CHSY3: variants seen among roughly 807,000 people sequenced by gnomAD.
CHSY3 encodes chondroitin sulfate synthase 3.
A neutral mutation model predicts 67.2 loss-of-function variants in CHSY3; 35 were observed. That is an observed-to-expected ratio of 0.52 (90% CI 0.40 to 0.69). The LOEUF is 0.69. Ranked by LOEUF, CHSY3 falls within the 30% of genes least tolerant of loss-of-function variation. The pLI, the probability that CHSY3 is intolerant of heterozygous loss-of-function variation, is 0.00. For missense variants in CHSY3, 1,069 were observed against 1,138.5 expected, an observed-to-expected ratio of 0.94 and a Z score of 0.88; for synonymous variants, 474 against 434.7, an observed-to-expected ratio of 1.09 and a Z score of -1.12.
At chr5:130,032,809 A>T (rs771421665) in intron 2 of CHSY3, among the ~76,000 whole-genome samples, 1 of 152,132 alleles carries the variant, frequency 6.6e-6, no homozygotes, top group Non-Finnish European at 1.5e-5. Context: ...TTCATGTGAG[A>T]TTTAACACCA....
intron 2 of CHSY3, among the ~76,000 whole-genome samples, chr5:129,932,826 T>C (rs994902976): frequency 5.3e-5 from 8 of 152,128 alleles, no homozygotes; most frequent in Non-Finnish European, 1.2e-4. Context: ...AAATGACTTA[T>C]ATAACAACAT....
intron 2 of CHSY3, among the ~76,000 whole-genome samples, chr5:130,110,436 T>C (rs1767556135): frequency 2.6e-5 from 4 of 151,968 alleles, no homozygotes; most frequent in African/African-American, 7.2e-5. Flanking sequence ...AAAGTGTTGT[T>C]TCTTTAGTAT....
chr5:129,992,050 T>C (rs1343538559), intron 2 of CHSY3, among the ~76,000 whole-genome samples: 6 of 152,210 alleles, frequency 3.9e-5, no homozygotes, highest in Admixed American at 6.6e-5. Context: ...GAAAGAACCT[T>C]TTAATTAATT....
At chr5:130,144,784 A>T (rs1183588402) in intron 2 of CHSY3, among the ~76,000 whole-genome samples, 5 of 152,184 alleles carry the variant, frequency 3.3e-5, no homozygotes, top group Non-Finnish European at 7.4e-5. Context: ...AACCAAACGT[A>T]TTAGGCCCTT....
chr5:130,097,893 C>G (rs1767102882), intron 2 of CHSY3, among the ~76,000 whole-genome samples: 1 of 152,016 alleles, frequency 6.6e-6, no homozygotes, highest in South Asian at 2.1e-4. Flanking sequence ...GTAGTCCCAG[C>G]TACTCGGGAG....
At chr5:130,035,653 T>G (rs914160530) in intron 2 of CHSY3, among the ~76,000 whole-genome samples, 27 of 152,110 alleles carry the variant, frequency 1.8e-4, no homozygotes, top group Admixed American at 1.1e-3. Context: ...AATTACCATG[T>G]GAAGGGTGTA....
intron 2 of CHSY3, among the ~76,000 whole-genome samples, chr5:130,042,047 C>A (rs937969777): frequency 6.6e-6 from 1 of 151,982 alleles, no homozygotes; most frequent in African/African-American, 2.4e-5. Flanking sequence ...CCAGCCTGGG[C>A]AACATATTAA....
Position 129,904,601 on chromosome 5 carries a change from C to T in CHSY3, c.-229C>T. On this transcript the variant is annotated 5_prime_UTR_variant, in exon 1 of 3. Transcript: ENST00000305031. ...CGCCGGGAGAAGTTTCACTCCCGACCCTTGCTCGGAGCCCCGGCCCAGAGC... is the reference window on the plus strand; with the variant it reads ...CGCCGGGAGAAGTTTCACTCCCGACTCTTGCTCGGAGCCCCGGCCCAGAGC... 1 of 628,698 alleles carries T rather than the reference C, an allele frequency of 1.6e-6. No individual in the cohort carries two copies. Among genetic ancestry groups the T allele is most frequent in the Non-Finnish European group, 2.2e-6 (1 of 450,356 alleles). 38.9% of individuals were successfully genotyped at this position (628,698 alleles called of 1,614,324 possible).
At chr5:129,910,865 G>C (rs1226026845) in intron 2 of CHSY3, among the ~76,000 whole-genome samples, 1 of 151,828 alleles carries the variant, frequency 6.6e-6, no homozygotes, top group African/African-American at 2.4e-5. Context: ...CATTAAAAAA[G>C]CTATGAAATT....
At chr5:130,134,567 C>T (rs1457133235) in intron 2 of CHSY3, among the ~76,000 whole-genome samples, 1 of 152,064 alleles carries the variant, frequency 6.6e-6, no homozygotes, top group Non-Finnish European at 1.5e-5. Flanking sequence ...AGAGGAGAGA[C>T]TTAGTTTGGT....
chr5:129,966,940 T>C (rs1356125563), intron 2 of CHSY3, among the ~76,000 whole-genome samples: 1 of 151,946 alleles, frequency 6.6e-6, no homozygotes, highest in East Asian at 1.9e-4. Flanking sequence ...AAGTACTCCT[T>C]GTGTAGGGTC....
intron 2 of CHSY3, among the ~76,000 whole-genome samples, chr5:130,154,952 G>T (rs1004418120): frequency 3.3e-5 from 5 of 152,102 alleles, no homozygotes; most frequent in African/African-American, 1.2e-4. Context: ...CTAGGTTTGG[G>T]GTGGGGCCTG....
chr5:130,135,447 A>T (rs1768631170), intron 2 of CHSY3, among the ~76,000 whole-genome samples: 3 of 152,240 alleles, frequency 2.0e-5, no homozygotes, highest in Admixed American at 2.0e-4. Context: ...TCCTTAGAAA[A>T]TCAGACTTGG....
intron 2 of CHSY3, among the ~76,000 whole-genome samples, chr5:129,942,786 G>A (rs748251287): frequency 4.6e-5 from 7 of 152,114 alleles, no homozygotes; most frequent in Non-Finnish European, 8.8e-5. Context: ...GTTTTATTTG[G>A]TCATGGATTT....
Position 130,184,327 on chromosome 5 carries a change from C to T in CHSY3, c.1185C>T (p.Pro395=), listed in dbSNP as rs749363556. The stretch of plus-strand genomic sequence containing the variant: ...TCCATGCAGCCATAACACTTCATCC[C>T]AACAAAAGGCCTGCATACCAATACA... ...SKIHAAITLH[P]NKRPAYQYRL... The change falls in exon 3 of 3, where the codon CCC becomes CCT. Residue 395 remains proline (P), a synonymous_variant. Transcript: ENST00000305031. 1 of 1,613,914 alleles carries T rather than the reference C, an allele frequency of 6.2e-7. No homozygotes were observed. The highest frequency in any genetic ancestry group is 2.2e-5 in the East Asian group (1 of 44,888).
At chr5:130,149,691 T>C (rs1282171917) in intron 2 of CHSY3, among the ~76,000 whole-genome samples, 2 of 152,166 alleles carry the variant, frequency 1.3e-5, no homozygotes, top group Non-Finnish European at 2.9e-5. Flanking sequence ...TAAATGAGAC[T>C]GAGTATCTAA....
intron 2 of CHSY3, among the ~76,000 whole-genome samples, chr5:129,912,974 T>C (rs1371799037): frequency 6.6e-6 from 1 of 152,230 alleles, no homozygotes; most frequent in Non-Finnish European, 1.5e-5. Context: ...ATGCATTCTA[T>C]TCTATTCACT....
At chr5:130,167,382 A>G (rs944996884) in intron 2 of CHSY3, among the ~76,000 whole-genome samples, 7 of 152,128 alleles carry the variant, frequency 4.6e-5, no homozygotes, top group Admixed American at 4.6e-4. Flanking sequence ...GATAGCTAAT[A>G]GTACCTTGAG....
At chr5:130,020,444 TATATATATATATATA>T (rs1190234320) in intron 2 of CHSY3, among the ~76,000 whole-genome samples, 7,870 of 38,106 alleles carry the variant, frequency 0.21, 691 homozygotes, top group South Asian at 0.24. Context: ...TATATATATA[TATATATATATATATA>T]TATTTTTTTT....
Sources: allele counts gnomAD v4.1 joint callset (sites outside exome capture counted in the v4.1 genomes callset), GRCh38; gene constraint gnomAD v4.1.1; transcripts MANE v1.5; gene names NCBI Gene and HGNC (gene_info 2026-07-23, HGNC 2026-07-21).